ACOX3: variants seen among roughly 807,000 people sequenced by gnomAD.
ACOX3 encodes peroxisomal acyl-coenzyme A oxidase 3.
ACOX3 carries 73 observed loss-of-function variants against 81.5 expected under a neutral mutation model. The ratio of observed to expected loss-of-function variants is 0.90; its 90% CI spans 0.74 to 1.09. The LOEUF is 1.09. Ranked by LOEUF, ACOX3 falls within the 50% of genes least tolerant of loss-of-function variation. The pLI, the probability that ACOX3 is intolerant of heterozygous loss-of-function variation, is 0.00. For missense variants in ACOX3, 947 were observed against 928.0 expected, an observed-to-expected ratio of 1.02 and a Z score of -0.27; for synonymous variants, 387 against 375.1, an observed-to-expected ratio of 1.03 and a Z score of -0.37.
chr4:8,376,349 A>T (rs1051457697), intron 14 of ACOX3, among the ~76,000 whole-genome samples: 4 of 17,546 alleles, frequency 2.3e-4, no homozygotes, highest in East Asian at 1.1e-3. Context: ...TTTTAAAATT[A>T]AAAAAAAAAA....
chr4:8,440,657 C>A lies in ACOX3; in HGVS notation c.-24G>T, dbSNP rs1579021299. ...AGGTCAAATTCCTCACCCACACACTCCACAGTTCAACCCCTGCCAGGGAAA... is the reference window on the plus strand; with the variant it reads ...AGGTCAAATTCCTCACCCACACACTACACAGTTCAACCCCTGCCAGGGAAA... On this transcript the variant is annotated 5_prime_UTR_variant, in exon 1 of 18. Transcript: ENST00000356406. 4 of 817,688 alleles carry A rather than the reference C, an allele frequency of 4.9e-6. No individual in the cohort carries two copies. In the East Asian group the frequency reaches 9.4e-5, roughly 19 times the overall value. The allele number at this position is 817,688 out of a possible 1,614,324, so 50.7% of individuals were successfully genotyped here.
At chr4:8,413,933 C>T (rs972177979) in intron 5 of ACOX3, among the ~76,000 whole-genome samples, 3 of 152,218 alleles carry the variant, frequency 2.0e-5, no homozygotes, top group Non-Finnish European at 2.9e-5. Context: ...TGGGGCCCAC[C>T]GTAGAAACCA....
chr4:8,408,516 G>A (rs182513171), intron 6 of ACOX3, among the ~76,000 whole-genome samples: 7 of 152,272 alleles, frequency 4.6e-5, no homozygotes, highest in African/African-American at 1.7e-4. Context: ...CTAAAACACT[G>A]CGGCTCTATG....
chr4:8,383,478 A>G lies in ACOX3; in HGVS notation c.1538-1871T>C, dbSNP rs1717943204. ...ACGTGTCCTTACAAGATGCAGAGAC[A>G]GCAAAGTCACAGAGGAGGCAAAGGC... On this transcript the variant is annotated intron_variant, in intron 13 of 17. Transcript: ENST00000356406. 2.0e-5 allele frequency among the ~76,000 whole-genome samples: 3 copies of G among 152,238 alleles called. No individual in the cohort carries two copies. The South Asian group carries it at 6.2e-4, about 31-fold the overall frequency.
Position 8,418,853 on chromosome 4 carries a change from C to T in ACOX3, c.-14-2318G>A, listed in dbSNP as rs140748878. ...TAGCCTGGGCAACAAGAATGAAACT[C>T]GGTCTCAAAGAAAACAAAACAAACA... is the stretch of plus-strand genomic sequence containing the variant. On this transcript the variant is annotated intron_variant, in intron 1 of 17. Transcript: ENST00000356406. 3.0e-3 allele frequency among the ~76,000 whole-genome samples: 452 copies of T among 152,146 alleles called. 2 individuals are homozygous for T. Among genetic ancestry groups the T allele is most frequent in the African/African-American group, 9.9e-3 (409 of 41,502 alleles).
chr4:8,384,178 T>C lies in ACOX3; in HGVS notation c.1538-2571A>G, dbSNP rs145379336. Among the ~76,000 whole-genome samples the C allele has an allele frequency of 6.7e-4, 102 of 152,340 alleles. No homozygotes were observed. Among genetic ancestry groups the C allele is most frequent in the African/African-American group, 2.3e-3 (96 of 41,576 alleles). On this transcript the variant is annotated intron_variant, in intron 13 of 17. Coordinates refer to ENST00000356406, the MANE Select transcript of ACOX3 (RefSeq NM_003501.3). The surrounding 1 kb of genome is among the most constrained non-coding windows in gnomAD (Gnocchi z 5.3). ...TGGCCAGTTAGACTGTGCTGTGGGCTTCAAGTGAGAGGGACGCTTGAGAAA... is the reference window on the plus strand; with the variant it reads ...TGGCCAGTTAGACTGTGCTGTGGGCCTCAAGTGAGAGGGACGCTTGAGAAA...
chr4:8,360,362 G>T, the ACOX3 span, among the ~76,000 whole-genome samples: 1 of 152,214 alleles, frequency 6.6e-6, no homozygotes, highest in African/African-American at 2.4e-5. Context: ...GAGTTTTAAA[G>T]ATTATTGGCA....
Position 8,382,032 on chromosome 4 carries a change from C to G in ACOX3, c.1538-425G>C, listed in dbSNP as rs1717723502. On this transcript the variant is annotated intron_variant, in intron 13 of 17. Transcript: ENST00000356406. The surrounding 1 kb of genome is among the most constrained non-coding windows in gnomAD (Gnocchi z 4.1). ...AGGACAACTGGCCGGCGGTGGCGCC[C>G]AGTGGCGAGAGGAAGGGGTGCTTCC... Among the ~76,000 whole-genome samples, 1 of 152,252 alleles carries G rather than the reference C, an allele frequency of 6.6e-6. No individual in the cohort carries two copies. Among genetic ancestry groups the G allele is most frequent in the Non-Finnish European group, 1.5e-5 (1 of 68,042 alleles).
chr4:8,369,835 C>G (rs1715935000), intron 17 of ACOX3, among the ~76,000 whole-genome samples: 1 of 152,242 alleles, frequency 6.6e-6, no homozygotes, highest in Non-Finnish European at 1.5e-5. Flanking sequence ...GTTGCGGGGC[C>G]AGGGGGCAGG....
rs776391123 is a variant in ACOX3, at chr4:8,370,909, T to A, written c.1982A>T (p.Glu661Val). 3 of 1,613,488 alleles carry A rather than the reference T, an allele frequency of 1.9e-6. No individual in the cohort carries two copies. Among genetic ancestry groups the A allele is most frequent in the Admixed American group, 3.3e-5 (2 of 59,996 alleles). The part of the protein sequence containing the change: ...LDSPIGRADG[E>V]LYKNLWGAVL... ...CGTGAGGCCCTGTCCTCCCTTTACC[T>A]CGCCGTCGGCTCTGCCAATCGGTGA... Residue 661 changes from glutamate to valine, a missense_variant and splice_region_variant, in exon 17 of 18, where the codon GAG becomes GTG. By Grantham distance (121) the Glu-to-Val change is moderately radical (BLOSUM62 -2). Transcript: ENST00000356406. The surrounding 1 kb of genome is among the most constrained non-coding windows in gnomAD (Gnocchi z 6.3).
In ACOX3 at chr4:8,381,886, C is replaced by T. The variant is rs558779534; in HGVS notation, c.1538-279G>A. Reference sequence around the variant, plus strand: ...CAGCAGCCTGGAGGCCACAGGAACACGGTGCCGCCGCTAGAGTGGGCCCCC... The same window carrying T: ...CAGCAGCCTGGAGGCCACAGGAACATGGTGCCGCCGCTAGAGTGGGCCCCC... On this transcript the variant is annotated intron_variant, in intron 13 of 17. Transcript: ENST00000356406. This position sits in a 1 kb window ranked among gnomAD's most constrained non-coding sequence, Gnocchi z 4.3. 2.6e-5 allele frequency among the ~76,000 whole-genome samples: 4 copies of T among 152,360 alleles called. No individual in the cohort carries two copies. The highest frequency in any genetic ancestry group is 2.1e-4 in the South Asian group (1 of 4,826).
intron 15 of ACOX3, chr4:8,374,134 G>A: frequency 5.4e-6 from 1 of 185,828 alleles, no homozygotes; most frequent in Non-Finnish European, 1.1e-5. Flanking sequence ...TGTGGTTTCT[G>A]GCAGGGCCCT....
At chr4:8,375,451 G>A (rs1034094486) in intron 14 of ACOX3, among the ~76,000 whole-genome samples, 1 of 152,314 alleles carries the variant, frequency 6.6e-6, no homozygotes, top group East Asian at 1.9e-4. Context: ...CACTGCATAC[G>A]GAGCCTGGAG....
At chr4:8,391,330 A>G (rs1718976460) in intron 11 of ACOX3, among the ~76,000 whole-genome samples, 1 of 152,180 alleles carries the variant, frequency 6.6e-6, no homozygotes, top group Non-Finnish European at 1.5e-5. Flanking sequence ...GCGAGTTAGA[A>G]CTGCAGTGGT....
chr4:8,393,604 GAC>G (rs559059061), intron 10 of ACOX3, among the ~76,000 whole-genome samples: 1,527 of 142,928 alleles, frequency 0.011, 12 homozygotes, highest in South Asian at 0.037. Context: ...TTAAGAGGAA[GAC>G]ACACACACGC....
chr4:8,367,788 G>A (rs544618235), intron 17 of ACOX3, among the ~76,000 whole-genome samples: 7 of 111,948 alleles, frequency 6.3e-5, no homozygotes, highest in Admixed American at 2.3e-4. Flanking sequence ...TGGGCAACAC[G>A]GCGAAACCCC....
rs1204205826 is a variant in ACOX3 at position 8,410,294 on chromosome 4, T to C, written c.605A>G (p.Lys202Arg). ...AAKFWVGNMGKTATHAVVFAK... is the reference protein window; with the variant it reads ...AAKFWVGNMGRTATHAVVFAK... ...AAACACCACCGCGTGAGTGGCTGTC[T>C]TGCCCATGTTGCCAACCCAAAACTT... Residue 202 changes from lysine (K) to arginine (R), a missense_variant, in exon 6 of 18, where the codon AAG becomes AGG. Coordinates refer to ENST00000356406, the MANE Select transcript of ACOX3 (RefSeq NM_003501.3). 1 of 1,614,018 alleles carries C rather than the reference T, an allele frequency of 6.2e-7. No individual in the cohort carries two copies. The highest frequency in any genetic ancestry group is 8.5e-7 in the Non-Finnish European group (1 of 1,179,996).
intron 14 of ACOX3, among the ~76,000 whole-genome samples, chr4:8,379,695 A>C (rs1445035305): frequency 6.6e-6 from 1 of 152,172 alleles, no homozygotes; most frequent in African/African-American, 2.4e-5. Flanking sequence ...TAAGAGACAC[A>C]GGTGTTGTTA....
At chr4:8,415,006 C>G in intron 3 of ACOX3, 78 bp from the exon 4 acceptor site, 1 of 1,299,532 alleles carries the variant, frequency 7.7e-7, no homozygotes, top group Non-Finnish European at 1.1e-6. Context: ...CAACAGACAA[C>G]GGCACTCAAC....
Sources: gnomAD v4.1 joint callset for allele counts (sites outside exome capture counted in the v4.1 genomes callset) on GRCh38, gnomAD v4.1.1 for gene constraint, Gnocchi (gnomAD v3.1) non-coding constraint, MANE v1.5 for transcripts, NCBI Gene and HGNC (gene_info 2026-07-23, HGNC 2026-07-21) for gene names.